PTPRD: variants seen among roughly 807,000 people sequenced by gnomAD.
PTPRD encodes the protein receptor-type tyrosine-protein phosphatase delta.
A neutral mutation model predicts 214.5 loss-of-function variants in PTPRD; 34 were observed. The ratio of observed to expected loss-of-function variants is 0.16; its 90% confidence interval spans 0.12 to 0.21. The LOEUF is 0.21. PTPRD is among the 10% of genes least tolerant of loss of function. PTPRD has a pLI of 1.00. For synonymous variants in PTPRD, 1,128 were observed against 845.7 expected, an observed-to-expected ratio of 1.33 and a Z score of -5.79; for missense variants, 2,545 against 2,398.7, an observed-to-expected ratio of 1.06 and a Z score of -1.27.
intron 3 of PTPRD, among the ~76,000 whole-genome samples, chr9:10,205,966 C>T (rs1460558474): frequency 6.7e-6 from 1 of 149,808 alleles, no homozygotes; most frequent in Non-Finnish European, 1.5e-5. Context: ...GCCCTGCTCA[C>T]AATGAGCTTT....
At chr9:9,548,397 C>CTTTTTTTTTTTTTTTTTTTTTT (rs1184128772) in intron 8 of PTPRD, among the ~76,000 whole-genome samples, 1 of 134,602 alleles carries the variant, frequency 7.4e-6, no homozygotes, top group Non-Finnish European at 1.6e-5. Context: ...GTATATGTGA[C>CTTTTTTTTTTTTTTTTTTTTTT]TTTTTTTCTT....
chr9:9,124,855 TGTTGCAAAA>T (rs1352287261), intron 10 of PTPRD, among the ~76,000 whole-genome samples: 1 of 152,168 alleles, frequency 6.6e-6, no homozygotes. Flanking sequence ...ATGTTAAAAT[TGTTGCAAAA>T]GTTGCCAACC....
intron 7 of PTPRD, among the ~76,000 whole-genome samples, chr9:9,620,038 A>T (rs1593235624): frequency 6.6e-6 from 1 of 151,862 alleles, no homozygotes; most frequent in Non-Finnish European, 1.5e-5. Flanking sequence ...AGTATGTAGA[A>T]TGGGCATTGT....
At chr9:9,264,596 G>GAA (rs1938204712) in intron 9 of PTPRD, among the ~76,000 whole-genome samples, 1 of 151,068 alleles carries the variant, frequency 6.6e-6, no homozygotes, top group Admixed American at 6.6e-5. Context: ...AAGAGAGAGA[G>GAA]AAAAAAGGCA....
intron 8 of PTPRD, among the ~76,000 whole-genome samples, chr9:9,551,286 C>T (rs2080166839): frequency 2.0e-5 from 3 of 151,766 alleles, no homozygotes; most frequent in Non-Finnish European, 4.4e-5. Flanking sequence ...AGCTGACAAA[C>T]GGAGGTCAAA....
At chr9:10,254,825 C>T (rs999893343) in intron 3 of PTPRD, among the ~76,000 whole-genome samples, 4 of 152,122 alleles carry the variant, frequency 2.6e-5, no homozygotes, top group South Asian at 2.1e-4. Flanking sequence ...TTTACTCTGG[C>T]GGGTGCCTGT....
chr9:9,092,284 C>G (rs1057061475), intron 10 of PTPRD, among the ~76,000 whole-genome samples: 1 of 152,106 alleles, frequency 6.6e-6, no homozygotes, highest in Non-Finnish European at 1.5e-5. Context: ...ATAGGTGATT[C>G]TTCATTCATG....
intron 11 of PTPRD, among the ~76,000 whole-genome samples, chr9:8,812,264 A>ACGGGCAGG (rs2096824393): frequency 6.6e-6 from 1 of 152,220 alleles, no homozygotes; most frequent in South Asian, 2.1e-4. Flanking sequence ...ATAGATGTAC[A>ACGGGCAGG]TATATATTTA....
intron 4 of PTPRD, among the ~76,000 whole-genome samples, chr9:9,979,936 C>T (rs1480573555): frequency 6.6e-6 from 1 of 152,072 alleles, no homozygotes; most frequent in Admixed American, 6.6e-5. Flanking sequence ...CCAGTTATGA[C>T]ACTGAGAAAA....
intron 7 of PTPRD, among the ~76,000 whole-genome samples, chr9:9,618,387 G>A (rs368262928): frequency 0.019 from 2,843 of 146,434 alleles, 94 homozygotes; most frequent in African/African-American, 0.068. Flanking sequence ...TATGGATTAA[G>A]AAAAAAAAAA....
At chr9:9,905,313 T>A (rs1246109890) in intron 5 of PTPRD, among the ~76,000 whole-genome samples, 2 of 151,972 alleles carry the variant, frequency 1.3e-5, no homozygotes, top group Non-Finnish European at 2.9e-5. Context: ...AGAATTATAT[T>A]TCAGGTAGAG....
intron 37 of PTPRD, among the ~76,000 whole-genome samples, chr9:8,380,841 T>C (rs768618885): frequency 2.2e-4 from 34 of 152,088 alleles, no homozygotes; most frequent in Non-Finnish European, 4.7e-4. Flanking sequence ...TAATGAGCGG[T>C]AGCCAACTTT....
At chr9:10,582,671 C>T (rs561779321) in intron 2 of PTPRD, among the ~76,000 whole-genome samples, 3 of 152,204 alleles carry the variant, frequency 2.0e-5, no homozygotes, top group Admixed American at 6.5e-5. Flanking sequence ...TTATGAAGTG[C>T]TCCTTATGCC....
chr9:9,190,891 G>A (rs1483156324), intron 9 of PTPRD, among the ~76,000 whole-genome samples: 1 of 152,080 alleles, frequency 6.6e-6, no homozygotes. Flanking sequence ...TTGGGGGACT[G>A]TTGGAGAGAG....
At chr9:9,112,566 C>T (rs1215288599) in intron 10 of PTPRD, among the ~76,000 whole-genome samples, 1 of 152,140 alleles carries the variant, frequency 6.6e-6, no homozygotes, top group Non-Finnish European at 1.5e-5. Flanking sequence ...TTGTAAGGCA[C>T]TCCCTGAAAG....
At chr9:10,418,217 A>C (rs1052191705) in intron 2 of PTPRD, among the ~76,000 whole-genome samples, 3 of 151,926 alleles carry the variant, frequency 2.0e-5, no homozygotes, top group African/African-American at 7.2e-5. Flanking sequence ...CTATTAATGC[A>C]GCAAAAGTGT....
chr9:8,559,633 C>T (rs2085367901), intron 14 of PTPRD, among the ~76,000 whole-genome samples: 1 of 152,220 alleles, frequency 6.6e-6, no homozygotes, highest in African/African-American at 2.4e-5. Context: ...CAGAACCATG[C>T]TGGCAACAGT....
chr9:9,238,479 G>C (rs997043272), intron 9 of PTPRD, among the ~76,000 whole-genome samples: 4 of 152,064 alleles, frequency 2.6e-5, no homozygotes. Context: ...ACTTAAGTGA[G>C]GAAGGCCTCG....
At chr9:9,230,401 G>C (rs367966808) in intron 9 of PTPRD, among the ~76,000 whole-genome samples, 10 of 152,222 alleles carry the variant, frequency 6.6e-5, no homozygotes, top group African/African-American at 2.4e-4. Context: ...CCATCTGGCT[G>C]TTCCTGAGTA....
Sources: allele counts gnomAD v4.1 joint callset (sites outside exome capture counted in the v4.1 genomes callset), GRCh38; gene constraint gnomAD v4.1.1; transcripts MANE v1.5; gene names NCBI Gene and HGNC (gene_info 2026-07-23, HGNC 2026-07-21).